BNC2: variants seen among roughly 807,000 people sequenced by gnomAD.
BNC2 encodes basonuclin zinc finger protein 2, also known as zinc finger protein basonuclin-2.
A neutral mutation model predicts 76.3 loss-of-function variants in BNC2; 20 were observed. The ratio of observed to expected loss-of-function variants is 0.26; its 90% confidence interval spans 0.18 to 0.38. BNC2 has a LOEUF of 0.38. Ranked by LOEUF, BNC2 falls within the 10% of genes least tolerant of loss-of-function variation. BNC2 has a pLI of 1.00. For missense variants in BNC2, 1,382 were observed against 1,399.8 expected (o/e 0.99, Z 0.20); for synonymous variants, 582 against 514.8 (o/e 1.13, Z -1.77).
intron 3 of BNC2, among the ~76,000 whole-genome samples, chr9:16,623,456 A>G (rs1820916508): frequency 6.6e-6 from 1 of 152,212 alleles, no homozygotes; most frequent in African/African-American, 2.4e-5. Flanking sequence ...TAACAAGTAG[A>G]TGCAAGTGAA....
In BNC2 at chr9:16,677,529, C is replaced by T. The variant is rs549305831; in HGVS notation, c.330+50268G>A. On this transcript the variant is annotated intron_variant, in intron 3 of 6. Coordinates refer to ENST00000380672, the MANE Select transcript of BNC2 (RefSeq NM_017637.6). ...TGGAGGTTGCAGTGAGCCAAGATCG[C>T]GCCACTGCACTCCAGCCCGGGGGAC... Among the ~76,000 whole-genome samples the T allele has an allele frequency of 1.3e-4, 20 of 150,720 alleles. No individual in the cohort carries two copies. In the South Asian group the frequency reaches 1.9e-3, roughly 14 times the overall value.
intron 5 of BNC2, among the ~76,000 whole-genome samples, chr9:16,518,442 T>C (rs769930682): frequency 1.3e-5 from 2 of 151,900 alleles, no homozygotes; most frequent in African/African-American, 2.4e-5. Context: ...ATAATAATAA[T>C]AAAATAAAAA....
intron 4 of BNC2, among the ~76,000 whole-genome samples, chr9:16,576,927 G>A (rs1301216216): frequency 1.3e-5 from 2 of 151,990 alleles, no homozygotes; most frequent in Non-Finnish European, 2.9e-5. Context: ...TAGTAGAGAC[G>A]GGGTTTCACC....
At chr9:16,536,340 A>C (rs1818129207) in intron 5 of BNC2, among the ~76,000 whole-genome samples, 1 of 152,176 alleles carries the variant, frequency 6.6e-6, no homozygotes, top group Admixed American at 6.5e-5. Context: ...AATTTAATAA[A>C]AGTGGTCTAA....
chr9:16,833,751 C>G (rs917322336), intron 1 of BNC2, among the ~76,000 whole-genome samples: 1 of 152,188 alleles, frequency 6.6e-6, no homozygotes, highest in Non-Finnish European at 1.5e-5. Flanking sequence ...GCAAGCCCTT[C>G]AAGAAAATCA....
intron 1 of BNC2, among the ~76,000 whole-genome samples, chr9:16,779,785 T>C (rs1275027447): frequency 6.6e-6 from 1 of 152,044 alleles, no homozygotes; most frequent in Admixed American, 6.5e-5. Flanking sequence ...AGGCAATCCA[T>C]AGAGAAAAAG....
At chr9:16,604,891 A>G (rs908370067) in intron 3 of BNC2, among the ~76,000 whole-genome samples, 12 of 152,234 alleles carry the variant, frequency 7.9e-5, no homozygotes. Context: ...AGACCTTGTA[A>G]AACAAGACAA....
intron 3 of BNC2, among the ~76,000 whole-genome samples, chr9:16,725,190 G>C (rs1339131253): frequency 6.9e-6 from 1 of 144,500 alleles, no homozygotes; most frequent in Admixed American, 7.2e-5. Context: ...AGATATCAGA[G>C]ATATAATTTC....
At chr9:16,700,716 T>C (rs1215436445) in intron 3 of BNC2, among the ~76,000 whole-genome samples, 2 of 152,088 alleles carry the variant, frequency 1.3e-5, no homozygotes, top group Non-Finnish European at 2.9e-5. Flanking sequence ...TCCCAGCCCT[T>C]TGGGAGGCTG....
chr9:16,817,434 C>G (rs1818213150), intron 1 of BNC2, among the ~76,000 whole-genome samples: 1 of 152,162 alleles, frequency 6.6e-6, no homozygotes, highest in Admixed American at 6.5e-5. Flanking sequence ...CTATGGATGT[C>G]TGGAAAATAT....
intron 3 of BNC2, among the ~76,000 whole-genome samples, chr9:16,707,937 G>T (rs184400958): frequency 6.6e-6 from 1 of 152,032 alleles, no homozygotes; most frequent in Non-Finnish European, 1.5e-5. Flanking sequence ...CCACCACGCC[G>T]GGCCAAAGTA....
In BNC2 at chr9:16,437,131, G is replaced by T. The variant is rs200506513; in HGVS notation, c.1063C>A (p.Pro355Thr). ...LEQPGLRLRE[P>T]SLSTQNEYNE... is the part of the protein sequence containing the mutation. Reference sequence around the variant, plus strand: ...TATTCATTCTGAGTTGAAAGGCTGGGTTCCCGCAGCCTCAACCCTGGTTGC... The same window carrying T: ...TATTCATTCTGAGTTGAAAGGCTGGTTTCCCGCAGCCTCAACCCTGGTTGC... Residue 355 changes from proline (P) to threonine (T), a missense_variant, in exon 6 of 7, where the codon CCC becomes ACC. Physicochemically the swap from Pro to Thr is conservative, Grantham distance 38. Coordinates refer to ENST00000380672, the MANE Select transcript of BNC2 (RefSeq NM_017637.6). The T allele has an allele frequency of 8.7e-6, 14 of 1,614,186 alleles. No individual in the cohort carries two copies. In the East Asian group the frequency reaches 2.7e-4, roughly 31 times the overall value.
chr9:16,574,115 A>C (rs1026271090), intron 4 of BNC2, among the ~76,000 whole-genome samples: 1 of 152,150 alleles, frequency 6.6e-6, no homozygotes, highest in Admixed American at 6.5e-5. Context: ...ATCCTGAGTA[A>C]AAGGAGAGGA....
intron 5 of BNC2, among the ~76,000 whole-genome samples, chr9:16,514,466 C>G (rs919839592): frequency 6.6e-6 from 1 of 151,784 alleles, no homozygotes; most frequent in Non-Finnish European, 1.5e-5. Flanking sequence ...GTTTTTCACC[C>G]AATGCTGACA....
intron 5 of BNC2, among the ~76,000 whole-genome samples, chr9:16,532,681 C>T (rs1286304456): frequency 4.6e-5 from 7 of 152,162 alleles, no homozygotes; most frequent in Non-Finnish European, 8.8e-5. Flanking sequence ...AAATTCATCA[C>T]TTCTAATTAT....
intron 5 of BNC2, among the ~76,000 whole-genome samples, chr9:16,487,766 A>T (rs1465974656): frequency 1.3e-5 from 2 of 152,240 alleles, no homozygotes; most frequent in Non-Finnish European, 2.9e-5. Flanking sequence ...AGCTATTCAG[A>T]AATAAACATT....
intron 3 of BNC2, among the ~76,000 whole-genome samples, chr9:16,704,601 G>C (rs1456882720): frequency 7.5e-6 from 1 of 133,074 alleles, no homozygotes; most frequent in Non-Finnish European, 1.6e-5. Context: ...TCTAAAGTTT[G>C]TTTTGTTTTA....
chr9:16,428,345 C>T (rs1820839986), intron 6 of BNC2, among the ~76,000 whole-genome samples: 2 of 152,186 alleles, frequency 1.3e-5, no homozygotes, highest in African/African-American at 4.8e-5. Flanking sequence ...ACCTACAGGG[C>T]TTCCAGCTGC....
chr9:16,513,734 C>A (rs1040578481), intron 5 of BNC2, among the ~76,000 whole-genome samples: 1 of 152,086 alleles, frequency 6.6e-6, no homozygotes, highest in Admixed American at 6.6e-5. Context: ...AGTCCATAGT[C>A]GGGAAGGACC....
Sources: allele counts gnomAD v4.1 joint callset (sites outside exome capture counted in the v4.1 genomes callset), GRCh38; gene constraint gnomAD v4.1.1; transcripts MANE v1.5; gene names NCBI Gene and HGNC (gene_info 2026-07-23, HGNC 2026-07-21).